PRKCQ: variants seen among roughly 807,000 people sequenced by gnomAD.
PRKCQ encodes protein kinase C theta, also known as protein kinase C theta type.
In PRKCQ, 41 loss-of-function variants were observed where a neutral mutation model predicts 91.2. The ratio of observed to expected loss-of-function variants is 0.45; its 90% CI spans 0.35 to 0.58. The LOEUF (loss-of-function observed/expected upper bound fraction) is 0.58, where lower values mean the gene tolerates loss of function less well. PRKCQ is among the 20% of genes least tolerant of loss of function. The pLI is 0.00. For synonymous variants in PRKCQ, 307 were observed against 316.9 expected (o/e 0.97, Z 0.33); for missense variants, 673 against 896.5 (o/e 0.75, Z 3.18).
intron 1 of PRKCQ, among the ~76,000 whole-genome samples, chr10:6,521,646 A>G (rs887805578): frequency 1.1e-4 from 16 of 152,232 alleles, no homozygotes; most frequent in African/African-American, 2.9e-4. Context: ...GGTGTGTACC[A>G]AAAAGAGCAG....
At chr10:6,535,542 C>T (rs1238313405) in intron 1 of PRKCQ, among the ~76,000 whole-genome samples, 1 of 151,976 alleles carries the variant, frequency 6.6e-6, no homozygotes, top group Non-Finnish European at 1.5e-5. Context: ...TCACTTATGT[C>T]AAACCCCAAG....
At chr10:6,578,365 G>A (rs942733500) in intron 1 of PRKCQ, among the ~76,000 whole-genome samples, 1 of 152,226 alleles carries the variant, frequency 6.6e-6, no homozygotes. Flanking sequence ...AAATGAACAT[G>A]ACAACGCGGA....
At chr10:6,398,141 T>C in the PRKCQ span, among the ~76,000 whole-genome samples, 1 of 152,240 alleles carries the variant, frequency 6.6e-6, no homozygotes, top group Non-Finnish European at 1.5e-5. Context: ...AATCCTATTT[T>C]TTCTCCTTTG....
chr10:6,412,824 C>A, the PRKCQ span, among the ~76,000 whole-genome samples: 1 of 152,212 alleles, frequency 6.6e-6, no homozygotes, highest in Non-Finnish European at 1.5e-5. Context: ...GTTATTGATC[C>A]CTCAGTGGGC....
chr10:6,561,369 C>CGAAAAAAAAAAAAAAA (rs1564394645), intron 1 of PRKCQ, among the ~76,000 whole-genome samples: 1 of 82,638 alleles, frequency 1.2e-5, no homozygotes, highest in African/African-American at 4.9e-5. Context: ...GACCCTGTCT[C>CGAAAAAAAAAAAAAAA]AAAAAAAAAA....
At chr10:6,435,472 G>A (rs1833655724) in intron 16 of PRKCQ, among the ~76,000 whole-genome samples, 1 of 152,198 alleles carries the variant, frequency 6.6e-6, no homozygotes, top group Admixed American at 6.5e-5. Flanking sequence ...GCCAGTTTAT[G>A]GGCAGCAGAT....
At position 6,465,720 on chromosome 10, in the gene PRKCQ, T is replaced by C. The variant is rs1835617317; in HGVS notation, c.1354-1316A>G. ...CATTGTTCTGGTCTGACAGTGAGAC[T>C]CCTTGCCTGGTCACCACAGAATGGG... On this transcript the variant is annotated intron_variant, in intron 12 of 17. Coordinates refer to ENST00000263125, the MANE Select transcript of PRKCQ (RefSeq NM_006257.5). This position sits in a 1 kb window ranked among gnomAD's most constrained non-coding sequence, Gnocchi z 4.4. Among the ~76,000 whole-genome samples, 1 of 152,212 alleles carries C rather than the reference T, an allele frequency of 6.6e-6. No individual in the cohort carries two copies. The highest frequency in any genetic ancestry group is 1.5e-5 in the Non-Finnish European group (1 of 68,038).
At chr10:6,401,703 G>T in the PRKCQ span, among the ~76,000 whole-genome samples, 1 of 152,146 alleles carries the variant, frequency 6.6e-6, no homozygotes, top group South Asian at 2.1e-4. Flanking sequence ...GCTGAGTCAC[G>T]CTGTCTGCTG....
chr10:6,511,322 T>A, intron 2 of PRKCQ, 128 bp from the exon 3 acceptor site: 1 of 850,304 alleles, frequency 1.2e-6, no homozygotes. Flanking sequence ...AAGACAAAAG[T>A]AGCACATAAA....
chr10:6,480,411 C>T lies in PRKCQ; in HGVS notation c.1180-1246G>A, dbSNP rs1466232721. Among the ~76,000 whole-genome samples the T allele has an allele frequency of 2.0e-5, 3 of 152,176 alleles. No individual in the cohort carries two copies. The East Asian group carries it at 5.8e-4, about 29-fold the overall frequency. ...CCACTTGATTTTGTGGCTCTTATAT[C>T]AAAGGACACCAGATGGCATATGATG... On this transcript the variant is annotated intron_variant, in intron 11 of 17. Transcript: ENST00000263125.
chr10:6,405,591 C>T, the PRKCQ span, among the ~76,000 whole-genome samples: 23,091 of 152,146 alleles, frequency 0.15, 2,357 homozygotes, highest in Middle Eastern at 0.23. Context: ...TTTTTAATAG[C>T]CAAGTGTTAA....
Position 6,497,372 on chromosome 10 carries a change from G to T in PRKCQ, c.543-121C>A. The T allele has an allele frequency of 1.7e-6, 2 of 1,157,516 alleles. No individual in the cohort carries two copies. Among genetic ancestry groups the T allele is most frequent in the Non-Finnish European group, 2.6e-6 (2 of 776,054 alleles). 71.7% of individuals were successfully genotyped at this position (1,157,516 alleles called of 1,614,324 possible). On this transcript the variant is annotated intron_variant, in intron 5 of 17. Transcript: ENST00000263125. The surrounding 1 kb of genome is among the most constrained non-coding windows in gnomAD (Gnocchi z 4.5). ...ATCACAGAGCAGTTTCTGATCAGCA[G>T]CCCTGTTGTATCATTTGCCAAGAGT...
Position 6,530,551 on chromosome 10 carries a change from G to A in PRKCQ, c.-9-15407C>T, listed in dbSNP as rs751556869. 3.9e-5 allele frequency among the ~76,000 whole-genome samples: 6 copies of A among 152,230 alleles called. No individual in the cohort carries two copies. The East Asian group carries it at 5.8e-4, about 15-fold the overall frequency. On this transcript the variant is annotated intron_variant, in intron 1 of 17. Coordinates refer to ENST00000263125, the MANE Select transcript of PRKCQ (RefSeq NM_006257.5). ...GGACTGGGCTATCACAGTCACAGGGGGGGTTGTTGCAAATAGAGGGACAGG... is the reference window on the plus strand; with the variant it reads ...GGACTGGGCTATCACAGTCACAGGGAGGGTTGTTGCAAATAGAGGGACAGG...
the PRKCQ span, among the ~76,000 whole-genome samples, chr10:6,403,863 C>T: frequency 6.6e-6 from 1 of 151,980 alleles, no homozygotes; most frequent in Non-Finnish European, 1.5e-5. Context: ...TAATCATTAG[C>T]CTCAGCAATA....
chr10:6,415,032 C>G, the PRKCQ span, among the ~76,000 whole-genome samples: 1 of 151,790 alleles, frequency 6.6e-6, no homozygotes, highest in African/African-American at 2.4e-5. Context: ...GTGCAATCTC[C>G]ACTCACTGCA....
intron 15 of PRKCQ, among the ~76,000 whole-genome samples, chr10:6,444,745 T>G (rs1009453776): frequency 6.6e-6 from 1 of 152,024 alleles, no homozygotes; most frequent in African/African-American, 2.4e-5. Context: ...AGGTATTTTT[T>G]TGTTGGCGCT....
At chr10:6,483,400 C>T in intron 11 of PRKCQ, 40 bp downstream of exon 11, 2 of 1,612,486 alleles carry the variant, frequency 1.2e-6, no homozygotes, top group Non-Finnish European at 1.7e-6. Flanking sequence ...TCATCAGTTC[C>T]TGGAGTTGGG....
chr10:6,477,997 C>T (rs1281476274), intron 12 of PRKCQ, among the ~76,000 whole-genome samples: 1 of 152,202 alleles, frequency 6.6e-6, no homozygotes, highest in Non-Finnish European at 1.5e-5. Context: ...GGGTGGTGGA[C>T]AGCCGGGATG....
At chr10:6,522,311 C>T (rs1839043743) in intron 1 of PRKCQ, among the ~76,000 whole-genome samples, 2 of 152,156 alleles carry the variant, frequency 1.3e-5, no homozygotes, top group South Asian at 4.1e-4. Flanking sequence ...TAAGTGTGAT[C>T]TCATTTGTCT....
Sources: gnomAD v4.1 joint callset for allele counts (sites outside exome capture counted in the v4.1 genomes callset) on GRCh38, gnomAD v4.1.1 for gene constraint, Gnocchi (gnomAD v3.1) non-coding constraint, MANE v1.5 for transcripts, NCBI Gene and HGNC (gene_info 2026-07-23, HGNC 2026-07-21) for gene names.